Variants in CES1 observed in about 807,000 individuals in gnomAD.
The protein encoded by CES1 is carboxylesterase 1.
A neutral mutation model predicts 53.0 loss-of-function variants in CES1; 50 were observed. The ratio of observed to expected loss-of-function variants is 0.94; its 90% CI spans 0.75 to 1.19. The LOEUF is 1.19. Ranked by LOEUF, CES1 falls within the 50% of genes most tolerant of loss-of-function variation. The pLI is 0.00. For missense variants in CES1, 534 were observed against 538.0 expected, an observed-to-expected ratio of 0.99 and a Z score of 0.07; for synonymous variants, 202 against 210.1, an observed-to-expected ratio of 0.96 and a Z score of 0.33.
intron 9 of CES1, chr16:55,812,470 TG>T (rs1238847311): frequency 3.9e-6 from 1 of 255,816 alleles, no homozygotes; most frequent in Non-Finnish European, 7.9e-6. Context: ...CCACTTTCTT[TG>T]GATATTTTCA....
intron 8 of CES1, among the ~76,000 whole-genome samples, chr16:55,815,510 C>G (rs2031899620): frequency 6.6e-6 from 1 of 152,214 alleles, no homozygotes; most frequent in Non-Finnish European, 1.5e-5. Flanking sequence ...TTGTTCTCCA[C>G]TTAGAGTTTG....
chr16:55,812,862 G>T, intron 9 of CES1, 41 bp downstream of exon 9: 1 of 1,612,160 alleles, frequency 6.2e-7, no homozygotes. Flanking sequence ...GAGGGCTGAT[G>T]GGGGTGGTTG....
chr16:55,821,489 C>T lies in CES1; in HGVS notation c.572G>A (p.Gly191Asp), dbSNP rs552379877. The change falls in exon 5 of 14, where the codon GGT (glycine) becomes GAT (aspartate). Residue 191 changes from glycine to aspartate, a missense_variant. By Grantham distance (94) the Gly-to-Asp change is moderately conservative (BLOSUM62 -1). Coordinates refer to ENST00000360526, the MANE Select transcript of CES1 (RefSeq NM_001025195.2). ...TGDEHSRGNWGHLDQVAALRW... is the reference protein window; with the variant it reads ...TGDEHSRGNWDHLDQVAALRW... Reference sequence around the variant, plus strand: ...CAGGGCAGCCACCTGGTCCAGGTGACCCCAGTTCCCCCGGCTGTGTTCATC... The same window carrying T: ...CAGGGCAGCCACCTGGTCCAGGTGATCCCAGTTCCCCCGGCTGTGTTCATC... The T allele has an allele frequency of 6.2e-7, 1 of 1,614,150 alleles. No homozygotes were observed. Among genetic ancestry groups the T allele is most frequent in the South Asian group, 1.1e-5 (1 of 91,074 alleles).
At chr16:55,809,398 C>A (rs1321388088) in intron 11 of CES1, among the ~76,000 whole-genome samples, 3 of 152,208 alleles carry the variant, frequency 2.0e-5, no homozygotes, top group Non-Finnish European at 4.4e-5. Context: ...TTATGAAGTT[C>A]TAAATTTAAA....
At chr16:55,811,223 C>A (rs201749233) in intron 9 of CES1, among the ~76,000 whole-genome samples, 61 of 137,174 alleles carry the variant, frequency 4.4e-4, no homozygotes, top group Non-Finnish European at 7.1e-4. Flanking sequence ...AAAAAAAAAA[C>A]AAAAAACAAA....
chr16:55,825,597 G>A (rs1342743739), intron 3 of CES1, among the ~76,000 whole-genome samples: 1 of 152,240 alleles, frequency 6.6e-6, no homozygotes, highest in Non-Finnish European at 1.5e-5. Flanking sequence ...ATCCGTACCT[G>A]GACAGTGAAA....
intron 7 of CES1, among the ~76,000 whole-genome samples, chr16:55,817,635 T>A (rs1182677736): frequency 1.3e-5 from 2 of 152,024 alleles, no homozygotes; most frequent in African/African-American, 2.4e-5. Context: ...AGGATTGAAG[T>A]CCCACTAGCC....
rs1182392046 is a variant in CES1 at position 55,826,284 on chromosome 16, T to A, written c.272A>T (p.Asp91Val). 1.2e-6 allele frequency: 2 copies of A among 1,613,958 alleles called. No homozygotes were observed. Among genetic ancestry groups the A allele is most frequent in the Non-Finnish European group, 1.7e-6 (2 of 1,179,856 alleles). Residue 91 changes from aspartate to valine, a missense_variant, in exon 3 of 14, where the codon GAT (aspartate) becomes GTT (valine). Physicochemically the swap from Asp to Val is radical, Grantham distance 152. This residue lies in a region of CES1 where 164 missense variants were observed against 162.4 expected (regional missense o/e 1.01). Transcript: ENST00000360526. ...ATSYPPMCTQ[D>V]PKAGQLLSEL... ...TGAGAGTAACTGCCCCGCCTTGGGA[T>A]CTTGGGTGCACCTGGGGAGGGGGAA...
rs764427228 is a variant in CES1 at position 55,810,684 on chromosome 16, G to T, written c.1171-20C>A. 1.2e-5 allele frequency: 19 copies of T among 1,613,932 alleles called. No individual in the cohort carries two copies. The highest frequency in any genetic ancestry group is 1.6e-5 in the Non-Finnish European group (19 of 1,179,854). ...AATGCACTGAAATAGATCAAAAAGTGACCACCAGCCCCGGGTGAGCGATGC... is the reference window on the plus strand; with the variant it reads ...AATGCACTGAAATAGATCAAAAAGTTACCACCAGCCCCGGGTGAGCGATGC... On this transcript the variant is annotated intron_variant, in intron 10 of 13. Coordinates refer to ENST00000360526, the MANE Select transcript of CES1 (RefSeq NM_001025195.2).
intron 3 of CES1, among the ~76,000 whole-genome samples, chr16:55,824,297 C>T (rs1354955940): frequency 6.6e-6 from 1 of 152,296 alleles, no homozygotes; most frequent in Non-Finnish European, 1.5e-5. Flanking sequence ...TTAGCATGTG[C>T]CAGGGACTCT....
intron 9 of CES1, 39 bp from the exon 10 acceptor site, chr16:55,811,049 G>C: frequency 6.6e-7 from 1 of 1,507,622 alleles, no homozygotes; most frequent in Non-Finnish European, 9.2e-7. Flanking sequence ...TGAATCATTG[G>C]GAATTAATGA....
chr16:55,815,913 C>T (rs1423417709), intron 8 of CES1, among the ~76,000 whole-genome samples: 1 of 152,308 alleles, frequency 6.6e-6, no homozygotes, highest in Non-Finnish European at 1.5e-5. Context: ...CTCTCTCCCA[C>T]TGCCCATTAC....
intron 8 of CES1, among the ~76,000 whole-genome samples, chr16:55,814,874 G>A (rs1246121990): frequency 6.6e-6 from 1 of 152,222 alleles, no homozygotes; most frequent in Non-Finnish European, 1.5e-5. Context: ...ATCCAATATG[G>A]CTGACAATGA....
chr16:55,831,818 G>A (rs1339533330), intron 1 of CES1, among the ~76,000 whole-genome samples: 1 of 151,572 alleles, frequency 6.6e-6, no homozygotes, highest in Non-Finnish European at 1.5e-5. Context: ...ACAGACCTAG[G>A]CGTGATTTTC....
Position 55,826,046 on chromosome 16 carries a change from C to T in CES1, c.405+105G>A. 2.8e-6 allele frequency: 4 copies of T among 1,423,554 alleles called. No individual in the cohort carries two copies. The East Asian group carries it at 9.0e-5, about 32-fold the overall frequency. 88.2% of individuals were successfully genotyped at this position (1,423,554 alleles called of 1,614,324 possible). A position where few individuals can be genotyped will look rare whatever the true frequency, so the allele number is the denominator to read the frequency against. ...CTGGGGTCTCTGAAACAATCCTGGC[C>T]TGTGCAGCTCCCTCCCCAAGCTGCC... On this transcript the variant is annotated intron_variant, in intron 3 of 13. Transcript: ENST00000360526.
At chr16:55,814,841 T>C (rs2031864464) in intron 8 of CES1, among the ~76,000 whole-genome samples, 1 of 152,226 alleles carries the variant, frequency 6.6e-6, no homozygotes, top group Non-Finnish European at 1.5e-5. Flanking sequence ...GGACCAGACC[T>C]AGCTGGACAA....
At chr16:55,817,342 A>G (rs1320238433) in intron 7 of CES1, among the ~76,000 whole-genome samples, 2 of 152,176 alleles carry the variant, frequency 1.3e-5, no homozygotes, top group Non-Finnish European at 2.9e-5. Context: ...ATAATATCCT[A>G]TGATCATCTG....
rs576903579 is a variant in CES1 at position 55,818,200 on chromosome 16, T to C, written c.907-1238A>G. Reference sequence around the variant, plus strand: ...CCCCCTCAAAGGGAATAGTTCCCAATGGCCCTGGGTGCTGTGTCATCTGGG... The same window carrying C: ...CCCCCTCAAAGGGAATAGTTCCCAACGGCCCTGGGTGCTGTGTCATCTGGG... On this transcript the variant is annotated intron_variant, in intron 7 of 13. Transcript: ENST00000360526. Among the ~76,000 whole-genome samples the C allele has an allele frequency of 2.7e-3, 405 of 152,340 alleles. 4 individuals carry two copies. Among genetic ancestry groups the C allele is most frequent in the African/African-American group, 9.4e-3 (389 of 41,564 alleles).
Position 55,821,478 on chromosome 16 carries a change from G to A in CES1, c.583C>T (p.Gln195Ter), listed in dbSNP as rs772353635. 1 of 1,614,216 alleles carries A rather than the reference G, an allele frequency of 6.2e-7. No homozygotes were observed. Among genetic ancestry groups the A allele is most frequent in the South Asian group, 1.1e-5 (1 of 91,088 alleles). Residue 195 changes from glutamine to a stop codon, truncating the protein, a stop_gained, in exon 5 of 14, where the codon CAG (glutamine) becomes TAG (stop). Coordinates refer to ENST00000360526, the MANE Select transcript of CES1 (RefSeq NM_001025195.2). LOFTEE classifies it high-confidence loss of function. ...HSRGNWGHLD[Q>*]VAALRWVQDN... is the part of the protein sequence containing the mutation. ...TGGACCCAGCGCAGGGCAGCCACCT[G>A]GTCCAGGTGACCCCAGTTCCCCCGG...
Sources: allele counts gnomAD v4.1 joint callset (sites outside exome capture counted in the v4.1 genomes callset), GRCh38; gene constraint gnomAD v4.1.1; regional missense constraint gnomAD v4.1.1; transcripts MANE v1.5; gene names NCBI Gene and HGNC (gene_info 2026-07-23, HGNC 2026-07-21).